Variants in INPP4B observed in about 807,000 individuals in gnomAD.
INPP4B encodes inositol polyphosphate 4-phosphatase type II.
A neutral mutation model predicts 122.5 loss-of-function variants in INPP4B; 55 were observed. The ratio of observed to expected loss-of-function variants is 0.45; its 90% CI spans 0.36 to 0.56. INPP4B has a LOEUF of 0.56. INPP4B is among the 20% of genes least tolerant of loss of function. The pLI, the probability that INPP4B is intolerant of heterozygous loss-of-function variation, is 0.00. For missense variants in INPP4B, 1,000 were observed against 1,097.7 expected (o/e 0.91, Z 1.26); for synonymous variants, 403 against 388.7 (o/e 1.04, Z -0.43).
intron 7 of INPP4B, among the ~76,000 whole-genome samples, chr4:142,315,241 A>G (rs1767081848): frequency 6.6e-6 from 1 of 152,024 alleles, no homozygotes; most frequent in East Asian, 1.9e-4. Context: ...ATTATGTGTC[A>G]ATTTTTTTAA....
chr4:142,834,441 T>C (rs1489412135), intron 1 of INPP4B, among the ~76,000 whole-genome samples: 2 of 152,112 alleles, frequency 1.3e-5, no homozygotes, highest in African/African-American at 4.8e-5. Flanking sequence ...ACCATTCCAT[T>C]TGCTTGGGTA....
At chr4:142,738,949 C>G (rs1488941850) in intron 1 of INPP4B, among the ~76,000 whole-genome samples, 2 of 152,062 alleles carry the variant, frequency 1.3e-5, no homozygotes, top group African/African-American at 4.8e-5. Context: ...ACAAGTTGAC[C>G]TAGGGGTTTC....
chr4:142,526,355 A>G (rs970345293), intron 2 of INPP4B, among the ~76,000 whole-genome samples: 1 of 151,962 alleles, frequency 6.6e-6, no homozygotes, highest in Non-Finnish European at 1.5e-5. Context: ...TGTGCTATCT[A>G]TTTTCAGATT....
intron 2 of INPP4B, among the ~76,000 whole-genome samples, chr4:142,612,253 G>A (rs1742703052): frequency 6.6e-6 from 1 of 152,158 alleles, no homozygotes; most frequent in Non-Finnish European, 1.5e-5. Flanking sequence ...CCATACTTTG[G>A]TAAATGAGAT....
chr4:142,179,491 A>G (rs985689680), intron 15 of INPP4B, among the ~76,000 whole-genome samples: 17 of 150,108 alleles, frequency 1.1e-4, no homozygotes, highest in African/African-American at 3.9e-4. Flanking sequence ...AAAAAAAAAA[A>G]GGTTTCATGA....
intron 2 of INPP4B, among the ~76,000 whole-genome samples, chr4:142,572,841 G>A (rs1322939363): frequency 6.6e-6 from 1 of 151,048 alleles, no homozygotes; most frequent in Non-Finnish European, 1.5e-5. Context: ...CATTAAATAG[G>A]TACTCAATAG....
intron 2 of INPP4B, among the ~76,000 whole-genome samples, chr4:142,647,587 C>T (rs749638974): frequency 6.6e-6 from 1 of 152,160 alleles, no homozygotes; most frequent in Non-Finnish European, 1.5e-5. Context: ...TCTTTCTTCC[C>T]TGCTTGCTGA....
chr4:142,067,318 C>T lies in INPP4B; in HGVS notation c.2642+14713G>A, dbSNP rs145499223. Among the ~76,000 whole-genome samples the T allele has an allele frequency of 1.3e-3, 194 of 152,292 alleles. 7 individuals are homozygous for T. The East Asian group carries it at 0.036, about 28-fold the overall frequency. On this transcript the variant is annotated intron_variant, in intron 25 of 25. Coordinates refer to ENST00000262992, the MANE Select transcript of INPP4B (RefSeq NM_001101669.3). The stretch of plus-strand genomic sequence containing the variant: ...AAGCACATCCACACCAAAACCCCAT[C>T]AGTACATCACCATCATCAAAGACCA...
intron 1 of INPP4B, among the ~76,000 whole-genome samples, chr4:142,824,831 C>T (rs1489936096): frequency 9.9e-5 from 15 of 151,510 alleles, no homozygotes; most frequent in South Asian, 2.1e-4. Context: ...ACTTAAAAAA[C>T]GTATCTTAAT....
intron 2 of INPP4B, among the ~76,000 whole-genome samples, chr4:142,650,279 T>C (rs1200686509): frequency 6.6e-6 from 1 of 151,846 alleles, no homozygotes; most frequent in African/African-American, 2.4e-5. Context: ...ATTGTAAAGA[T>C]CATTGATGCT....
At chr4:142,547,433 C>G (rs1334896026) in intron 2 of INPP4B, among the ~76,000 whole-genome samples, 2 of 152,164 alleles carry the variant, frequency 1.3e-5, no homozygotes, top group Admixed American at 1.3e-4. Flanking sequence ...CTGAGCAATA[C>G]CTAGACATAA....
intron 2 of INPP4B, among the ~76,000 whole-genome samples, chr4:142,637,516 A>G (rs1749436199): frequency 6.6e-6 from 1 of 152,108 alleles, no homozygotes; most frequent in Non-Finnish European, 1.5e-5. Context: ...ATGTATTGTC[A>G]TGGCTTGATA....
chr4:142,491,131 G>A (rs1489321140), intron 2 of INPP4B, among the ~76,000 whole-genome samples: 2 of 151,778 alleles, frequency 1.3e-5, no homozygotes, highest in Non-Finnish European at 2.9e-5. Context: ...ATTTTTTGGG[G>A]GCCCCCACAC....
At chr4:142,555,423 G>A (rs1252423077) in intron 2 of INPP4B, among the ~76,000 whole-genome samples, 1 of 152,140 alleles carries the variant, frequency 6.6e-6, no homozygotes, top group African/African-American at 2.4e-5. Flanking sequence ...ATGTTAAGGA[G>A]GGAGAATCTA....
chr4:142,628,096 A>G (rs1324700584), intron 2 of INPP4B, among the ~76,000 whole-genome samples: 1 of 151,808 alleles, frequency 6.6e-6, no homozygotes, highest in Non-Finnish European at 1.5e-5. Context: ...ATGCTGCTAT[A>G]AAGACACATG....
At chr4:142,624,126 T>A (rs1463741795) in intron 2 of INPP4B, among the ~76,000 whole-genome samples, 2 of 150,630 alleles carry the variant, frequency 1.3e-5, no homozygotes, top group Non-Finnish European at 1.5e-5. Context: ...TAGTTCTAGA[T>A]CTCTGAGGAA....
chr4:142,379,831 G>T (rs1186864984), intron 7 of INPP4B, among the ~76,000 whole-genome samples: 1 of 152,166 alleles, frequency 6.6e-6, no homozygotes, highest in South Asian at 2.1e-4. Context: ...CTGTGTAAGG[G>T]ATCACAACCA....
At chr4:142,311,141 C>T (rs535578284) in intron 8 of INPP4B, among the ~76,000 whole-genome samples, 100 of 152,294 alleles carry the variant, frequency 6.6e-4, no homozygotes, top group Non-Finnish European at 5.4e-4. Context: ...AGAGCTTAAA[C>T]TCTCCGATCT....
rs200713784 is a variant in INPP4B at position 142,222,037 on chromosome 4, G to GC, written c.837-13012dup. On this transcript the variant is annotated intron_variant, in intron 12 of 25. Transcript: ENST00000262992. ...TGCAATGGCACGATCTTGCCTCACT[G>GC]CAACTTCTGCCTCCTGGGCTCAAGC... Among the ~76,000 whole-genome samples, 781 of 152,286 alleles carry GC rather than the reference G, an allele frequency of 5.1e-3. 12 individuals carry two copies. Among genetic ancestry groups the GC allele is most frequent in the Admixed American group, 0.035 (538 of 15,290 alleles).
Sources: gnomAD v4.1 joint callset for allele counts (sites outside exome capture counted in the v4.1 genomes callset) on GRCh38, gnomAD v4.1.1 for gene constraint, MANE v1.5 for transcripts, NCBI Gene and HGNC (gene_info 2026-07-23, HGNC 2026-07-21) for gene names.